Variants in STRBP observed in about 807,000 individuals in gnomAD.
STRBP encodes spermatid perinuclear RNA-binding protein.
In STRBP, 13 loss-of-function variants were observed where a neutral mutation model predicts 80.1. The ratio of observed to expected loss-of-function variants is 0.16; its 90% CI spans 0.11 to 0.26. The LOEUF (loss-of-function observed/expected upper bound fraction) is 0.26. STRBP is among the 10% of genes least tolerant of loss of function. The pLI, the probability that STRBP is intolerant of heterozygous loss-of-function variation, is 1.00. For missense variants in STRBP, 485 were observed against 815.2 expected (o/e 0.59, Z 4.93); for synonymous variants, 284 against 291.2 (o/e 0.98, Z 0.25).
chr9:123,137,228 A>G (rs888966723), intron 14 of STRBP, among the ~76,000 whole-genome samples: 2 of 152,230 alleles, frequency 1.3e-5, no homozygotes, highest in Non-Finnish European at 2.9e-5. Context: ...ATGAAAACAG[A>G]GGCTAGCATC....
intron 1 of STRBP, among the ~76,000 whole-genome samples, chr9:123,250,578 A>G (rs111723209): frequency 4.2e-4 from 64 of 152,280 alleles, no homozygotes; most frequent in African/African-American, 1.4e-3. Flanking sequence ...GGTGTTCCCA[A>G]TGCTAGGTTT....
intron 1 of STRBP, among the ~76,000 whole-genome samples, chr9:123,259,432 C>A (rs894377898): frequency 6.6e-6 from 1 of 152,140 alleles, no homozygotes; most frequent in South Asian, 2.1e-4. Context: ...GTCAGCCAGG[C>A]GCAATGGCTC....
chr9:123,134,036 G>A (rs1039044263), intron 16 of STRBP, among the ~76,000 whole-genome samples: 3 of 151,972 alleles, frequency 2.0e-5, no homozygotes, highest in Non-Finnish European at 2.9e-5. Context: ...AAAGAACAAC[G>A]AGAGAACAGA....
Position 123,159,079 on chromosome 9 carries a change from G to T in STRBP, c.835+17C>A. On this transcript the variant is annotated intron_variant, in intron 9 of 18. Transcript: ENST00000348403. ...AGATTTGCTGATTGTTCTGCTTCCA[G>T]AGTTTGAAACCCTTACCAGGAAGTA... 1 of 1,585,784 alleles carries T rather than the reference G, an allele frequency of 6.3e-7. No homozygotes were observed. The highest frequency in any genetic ancestry group is 8.7e-7 in the Non-Finnish European group (1 of 1,154,734).
At chr9:123,203,353 G>GA (rs199781674) in intron 2 of STRBP, among the ~76,000 whole-genome samples, 11,684 of 134,924 alleles carry the variant, frequency 0.087, 1,522 homozygotes, top group East Asian at 0.61. Flanking sequence ...CCCTAAAAAA[G>GA]AAAAAAAAAA....
chr9:123,213,032 C>CCA (rs1451198440), intron 2 of STRBP, among the ~76,000 whole-genome samples: 4 of 152,136 alleles, frequency 2.6e-5, no homozygotes, highest in African/African-American at 9.7e-5. Flanking sequence ...GTTGAAATGG[C>CCA]CACTCAGCCA....
intron 1 of STRBP, among the ~76,000 whole-genome samples, chr9:123,262,049 T>G (rs1388387355): frequency 1.3e-5 from 2 of 152,224 alleles, no homozygotes; most frequent in Non-Finnish European, 2.9e-5. Context: ...TCTTAAATTG[T>G]ACTTATTTCC....
intron 2 of STRBP, among the ~76,000 whole-genome samples, chr9:123,193,815 T>A (rs1266361108): frequency 6.6e-6 from 1 of 152,124 alleles, no homozygotes; most frequent in African/African-American, 2.4e-5. Flanking sequence ...CTAGCAAAAC[T>A]CTAACCCTGT....
intron 11 of STRBP, among the ~76,000 whole-genome samples, 190 bp downstream of exon 11, chr9:123,157,822 T>A (rs1244300690): frequency 6.6e-6 from 1 of 151,942 alleles, no homozygotes; most frequent in Non-Finnish European, 1.5e-5. Context: ...ACCTAGGGAT[T>A]ACGGGAACTA....
At chr9:123,196,060 G>A (rs1420144101) in intron 2 of STRBP, among the ~76,000 whole-genome samples, 1 of 152,062 alleles carries the variant, frequency 6.6e-6, no homozygotes, top group Non-Finnish European at 1.5e-5. Flanking sequence ...GAACCCAGAA[G>A]TAAATCCATA....
intron 11 of STRBP, among the ~76,000 whole-genome samples, chr9:123,148,651 C>G (rs1442111268): frequency 6.6e-6 from 1 of 152,046 alleles, no homozygotes; most frequent in East Asian, 1.9e-4. Context: ...TCTGATTATC[C>G]AACTATAAAA....
Position 123,136,069 on chromosome 9 carries a change from T to C in STRBP, c.1745A>G (p.Asn582Ser). The change falls in exon 16 of 19, where the codon AAT (asparagine) becomes AGT (serine). Residue 582 changes from asparagine to serine, a missense_variant. Asn to Ser is a conservative substitution (Grantham distance 46). Transcript: ENST00000348403. This position sits in a 1 kb window ranked among gnomAD's most constrained non-coding sequence, Gnocchi z 4.2. Reference sequence around the variant, plus strand: ...AGGGATAATCTTCTTTTTCTTATTATTTGCCGCATTGGGTCCAGAAAACAG... The same window carrying C: ...AGGGATAATCTTCTTTTTCTTATTACTTGCCGCATTGGGTCCAGAAAACAG... Reference protein sequence around the residue: ...EKLFSGPNAANNKKKKIIPQA... With the variant: ...EKLFSGPNAASNKKKKIIPQA... 2 of 1,614,202 alleles carry C rather than the reference T, an allele frequency of 1.2e-6. No homozygotes were observed. The highest frequency in any genetic ancestry group is 1.3e-5 in the African/African-American group (1 of 75,064).
At chr9:123,147,677 C>T in intron 12 of STRBP, 101 bp downstream of exon 12, 2 of 369,042 alleles carry the variant, frequency 5.4e-6, no homozygotes, top group Non-Finnish European at 8.2e-6. Flanking sequence ...GAACCGATCT[C>T]AAAAAAAAAA....
intron 2 of STRBP, among the ~76,000 whole-genome samples, chr9:123,227,984 G>A (rs2040292225): frequency 6.6e-6 from 1 of 152,212 alleles, no homozygotes; most frequent in Non-Finnish European, 1.5e-5. Context: ...ATGATAATCA[G>A]ACGAGGGTAA....
At chr9:123,145,285 T>C (rs1036508546) in intron 13 of STRBP, among the ~76,000 whole-genome samples, 15 of 152,102 alleles carry the variant, frequency 9.9e-5, no homozygotes, top group South Asian at 2.1e-4. Flanking sequence ...AACATAATAT[T>C]GGGAATTGAA....
At chr9:123,212,862 T>C (rs528729862) in intron 2 of STRBP, among the ~76,000 whole-genome samples, 42 of 152,232 alleles carry the variant, frequency 2.8e-4, no homozygotes, top group Non-Finnish European at 4.9e-4. Context: ...AATCTCAGTA[T>C]TTCACAGATA....
At chr9:123,199,442 G>A (rs1295722527) in intron 2 of STRBP, among the ~76,000 whole-genome samples, 9 of 152,158 alleles carry the variant, frequency 5.9e-5, no homozygotes, top group Admixed American at 4.6e-4. Context: ...TTGATGGGAA[G>A]TGCATTGAAT....
At chr9:123,120,161 C>G (rs1222404115), downstream of STRBP, among the ~76,000 whole-genome samples, 1 of 151,976 alleles carries the variant, frequency 6.6e-6, no homozygotes, top group African/African-American at 2.4e-5. Context: ...ATATTGAAAC[C>G]CACCTCAGCA....
At chr9:123,231,807 C>G (rs998540284) in intron 2 of STRBP, among the ~76,000 whole-genome samples, 2 of 152,144 alleles carry the variant, frequency 1.3e-5, no homozygotes, top group Non-Finnish European at 2.9e-5. Flanking sequence ...CTCCCCATAT[C>G]TTAACAAGAT....
Sources: gnomAD v4.1 joint callset for allele counts (sites outside exome capture counted in the v4.1 genomes callset) on GRCh38, gnomAD v4.1.1 for gene constraint, Gnocchi (gnomAD v3.1) non-coding constraint, MANE v1.5 for transcripts, NCBI Gene and HGNC (gene_info 2026-07-23, HGNC 2026-07-21) for gene names.